Variants in GOT1 observed in about 807,000 individuals in gnomAD.
GOT1 encodes the protein glutamic-oxaloacetic transaminase 1.
In GOT1, 25 loss-of-function variants were observed where a neutral mutation model predicts 48.2. The ratio of observed to expected loss-of-function variants is 0.52; its 90% CI spans 0.38 to 0.72. GOT1 has a LOEUF of 0.72. Ranked by LOEUF, GOT1 falls within the 30% of genes least tolerant of loss-of-function variation. The pLI is 0.00. For missense variants in GOT1, 380 were observed against 520.1 expected (o/e 0.73, Z 2.62); for synonymous variants, 188 against 193.8 (o/e 0.97, Z 0.25).
intron 1 of GOT1, among the ~76,000 whole-genome samples, chr10:99,423,749 A>G (rs1450037549): frequency 6.6e-6 from 1 of 152,180 alleles, no homozygotes; most frequent in Non-Finnish European, 1.5e-5. Context: ...CCTGGGCTCA[A>G]GCAATTCTCT....
At chr10:99,428,677 G>C (rs1035476530) in intron 1 of GOT1, among the ~76,000 whole-genome samples, 1 of 152,182 alleles carries the variant, frequency 6.6e-6, no homozygotes, top group Non-Finnish European at 1.5e-5. Context: ...GTTTTAAAAA[G>C]ATGTATTTAG....
In GOT1 at chr10:99,403,859, G is replaced by C. The variant is rs775173129; in HGVS notation, c.658C>G (p.Pro220Ala). 1 of 1,613,794 alleles carries C rather than the reference G, an allele frequency of 6.2e-7. No homozygotes were observed. The highest frequency in any genetic ancestry group is 1.1e-5 in the South Asian group (1 of 91,070). ...CCCTGATAGGCTGAGTCAAAGAAGGGGAACAGAAACCGGTGCTGCGGGGAA... is the reference window on the plus strand; with the variant it reads ...CCCTGATAGGCTGAGTCAAAGAAGGCGAACAGAAACCGGTGCTGCGGGGAA... ...ASVMKHRFLF[P>A]FFDSAYQGFA... The change falls in exon 6 of 9, where the codon CCC becomes GCC. Residue 220 changes from proline to alanine, a missense_variant. Physicochemically the swap from Pro to Ala is conservative, Grantham distance 27. Transcript: ENST00000370508.
intron 1 of GOT1, among the ~76,000 whole-genome samples, chr10:99,428,986 C>G (rs568141398): frequency 1.1e-4 from 16 of 152,218 alleles, no homozygotes; most frequent in Admixed American, 9.2e-4. Flanking sequence ...AACAAATTAC[C>G]CGCTTCAACA....
intron 6 of GOT1, 43 bp from the exon 7 acceptor site, chr10:99,403,677 G>T: frequency 6.2e-7 from 1 of 1,613,908 alleles, no homozygotes; most frequent in African/African-American, 1.3e-5. Context: ...CTGAAGCAGG[G>T]AGTGATGCGA....
intron 3 of GOT1, among the ~76,000 whole-genome samples, chr10:99,406,453 A>G (rs1484470100): frequency 1.3e-5 from 2 of 152,188 alleles, no homozygotes; most frequent in Non-Finnish European, 2.9e-5. Flanking sequence ...TTCTACTACA[A>G]TGATACTTCC....
chr10:99,430,372 C>G, intron 1 of GOT1, 76 bp downstream of exon 1: 1 of 1,607,486 alleles, frequency 6.2e-7, no homozygotes, highest in Non-Finnish European at 8.5e-7. Context: ...CTCGGCTTCT[C>G]CCACAGTCTC....
chr10:99,418,105 C>G (rs949117515), intron 2 of GOT1, among the ~76,000 whole-genome samples: 1 of 151,606 alleles, frequency 6.6e-6, no homozygotes, highest in African/African-American at 2.4e-5. Context: ...TCAATAACCA[C>G]TGGTACCCAC....
intron 1 of GOT1, among the ~76,000 whole-genome samples, chr10:99,426,058 A>C (rs1313303025): frequency 6.6e-6 from 1 of 152,172 alleles, no homozygotes; most frequent in Non-Finnish European, 1.5e-5. Context: ...AGAAAAGTCA[A>C]ACCATTTGCC....
At chr10:99,430,400 C>A in intron 1 of GOT1, 48 bp downstream of exon 1, 1 of 1,602,358 alleles carries the variant, frequency 6.2e-7, no homozygotes, top group South Asian at 1.1e-5. Flanking sequence ...TGGGTTGGGT[C>A]CGCTCCACTC....
chr10:99,408,142 G>C (rs2032784847), intron 2 of GOT1, among the ~76,000 whole-genome samples: 1 of 152,090 alleles, frequency 6.6e-6, no homozygotes. Flanking sequence ...CTAAAGTCAA[G>C]TCTATATCCC....
At chr10:99,426,307 G>A (rs2033037372) in intron 1 of GOT1, among the ~76,000 whole-genome samples, 1 of 152,062 alleles carries the variant, frequency 6.6e-6, no homozygotes, top group Admixed American at 6.6e-5. Context: ...GTCTTGCTTT[G>A]CAGAAGGAAA....
rs1453713661 is a variant in GOT1 at position 99,397,630 on chromosome 10, G to A, written c.1159C>T (p.Arg387Ter). 2.5e-6 allele frequency: 4 copies of A among 1,613,748 alleles called. No homozygotes were observed. Among genetic ancestry groups the A allele is most frequent in the Non-Finnish European group, 3.4e-6 (4 of 1,179,742 alleles). Residue 387 changes from arginine (R) to a stop codon, truncating the protein, a stop_gained, in exon 9 of 9, where the codon CGA becomes TGA. Transcript: ENST00000370508. LOFTEE classifies it high-confidence loss of function. This position sits in a 1 kb window ranked among gnomAD's most constrained non-coding sequence, Gnocchi z 5.4. ...GTGGTTAAGCCACTCACGTTGATTC[G>A]ACCACTTGGCAGCAGGTAGATGTGC... ...EKHIYLLPSGRINVSGLTTKN... is the reference protein window; with the variant it reads ...EKHIYLLPSG
intron 2 of GOT1, among the ~76,000 whole-genome samples, chr10:99,414,518 T>A (rs2032868855): frequency 1.3e-5 from 2 of 151,992 alleles, no homozygotes; most frequent in Admixed American, 6.6e-5. Flanking sequence ...ACTGTCAACA[T>A]TAGACAGATC....
chr10:99,405,969 C>T (rs925809020), intron 4 of GOT1, 109 bp from the exon 5 acceptor site: 6 of 803,454 alleles, frequency 7.5e-6, no homozygotes, highest in Non-Finnish European at 1.3e-5. Context: ...ATATTCTTGT[C>T]ACTCTTTCAT....
intron 1 of GOT1, among the ~76,000 whole-genome samples, chr10:99,427,395 T>A (rs1004791329): frequency 3.9e-5 from 6 of 152,226 alleles, no homozygotes; most frequent in South Asian, 2.1e-4. Flanking sequence ...CAGCCTCCCG[T>A]GTAGCTGGGA....
At chr10:99,418,513 T>TTTTTTTTTG in intron 2 of GOT1, among the ~76,000 whole-genome samples, 1 of 151,504 alleles carries the variant, frequency 6.6e-6, no homozygotes, top group Non-Finnish European at 1.5e-5. Context: ...TTTTTTTCTT[T>TTTTTTTTTG]TCTTTTGAGA....
chr10:99,418,712 A>G (rs2032929386), intron 2 of GOT1, among the ~76,000 whole-genome samples: 1 of 152,056 alleles, frequency 6.6e-6, no homozygotes, highest in Admixed American at 6.5e-5. Flanking sequence ...CATGTTACCC[A>G]GGCTGGTCTT....
intron 2 of GOT1, among the ~76,000 whole-genome samples, chr10:99,416,307 T>C (rs372020276): frequency 6.6e-6 from 1 of 152,034 alleles, no homozygotes; most frequent in East Asian, 1.9e-4. Context: ...AACAGACAAA[T>C]AGAGAGCCAA....
intron 1 of GOT1, among the ~76,000 whole-genome samples, chr10:99,422,548 AT>A (rs1305910326): frequency 6.6e-6 from 1 of 152,032 alleles, no homozygotes; most frequent in East Asian, 1.9e-4. Flanking sequence ...TATACTATGC[AT>A]TTTTCCTCCT....
Sources: gnomAD v4.1 joint callset for allele counts (sites outside exome capture counted in the v4.1 genomes callset) on GRCh38, gnomAD v4.1.1 for gene constraint, Gnocchi (gnomAD v3.1) non-coding constraint, MANE v1.5 for transcripts, NCBI Gene and HGNC (gene_info 2026-07-23, HGNC 2026-07-21) for gene names.